The following MPHOSPH6 variants were observed in gnomAD, a reference collection of about 807,000 sequenced individuals.
MPHOSPH6 encodes M-phase phosphoprotein 6.
A neutral mutation model predicts 21.8 loss-of-function variants in MPHOSPH6; 25 were observed. The ratio of observed to expected loss-of-function variants is 1.15; its 90% CI spans 0.83 to 1.60. MPHOSPH6 has a LOEUF of 1.60. Ranked by LOEUF, MPHOSPH6 falls within the 40% of genes most tolerant of loss-of-function variation. The pLI, the probability that MPHOSPH6 is intolerant of heterozygous loss-of-function variation, is 0.00. For synonymous variants in MPHOSPH6, 84 were observed against 56.5 expected (o/e 1.49, Z -2.18); for missense variants, 269 against 181.8 (o/e 1.48, Z -2.76).
chr16:82,170,045 G>A (rs1052968188), intron 1 of MPHOSPH6, 80 bp downstream of exon 1: 13 of 1,478,256 alleles, frequency 8.8e-6, no homozygotes, highest in African/African-American at 1.4e-5. Flanking sequence ...TCCCTTGTCC[G>A]CCCGCCGCCT....
At chr16:82,151,357 G>A in intron 3 of MPHOSPH6, 67 bp downstream of exon 3, 2 of 1,585,586 alleles carry the variant, frequency 1.3e-6, no homozygotes, top group Non-Finnish European at 1.7e-6. Context: ...AAACACCTAA[G>A]CCCAATTATT....
At chr16:82,154,659 A>C (rs1411647974) in intron 2 of MPHOSPH6, among the ~76,000 whole-genome samples, 2 of 152,028 alleles carry the variant, frequency 1.3e-5, no homozygotes, top group African/African-American at 4.8e-5. Context: ...GGGAAAAAAC[A>C]ATTTAAAAAA....
intron 2 of MPHOSPH6, among the ~76,000 whole-genome samples, 158 bp from the exon 3 acceptor site, chr16:82,151,672 T>C (rs189368243): frequency 1.3e-5 from 2 of 152,238 alleles, no homozygotes; most frequent in African/African-American, 4.8e-5. Context: ...AAAATCTGAT[T>C]AATTTGGTCA....
At chr16:82,150,846 T>G (rs1906241310) in intron 3 of MPHOSPH6, among the ~76,000 whole-genome samples, 1 of 152,248 alleles carries the variant, frequency 6.6e-6, no homozygotes, top group African/African-American at 2.4e-5. Context: ...ATCAAGTACT[T>G]GATAGGATGG....
chr16:82,151,787 T>G (rs909210100), intron 2 of MPHOSPH6, among the ~76,000 whole-genome samples: 6 of 152,220 alleles, frequency 3.9e-5, no homozygotes, highest in African/African-American at 1.4e-4. Flanking sequence ...TCTAAAGTAT[T>G]GACAATAAAC....
In MPHOSPH6 at chr16:82,160,712, G is replaced by T. The variant is rs138245620; in HGVS notation, c.164+3370C>A. 2.0e-4 allele frequency among the ~76,000 whole-genome samples: 31 copies of T among 152,268 alleles called. No homozygotes were observed. The East Asian group carries it at 6.0e-3, about 29-fold the overall frequency. On this transcript the variant is annotated intron_variant, in intron 2 of 4. Coordinates refer to ENST00000258169, the MANE Select transcript of MPHOSPH6 (RefSeq NM_005792.2). ...GGCCACTTCACGCCATCCCTCATAGGAGTTGGGGACAAAAGAGAAATGACG... is the reference window on the plus strand; with the variant it reads ...GGCCACTTCACGCCATCCCTCATAGTAGTTGGGGACAAAAGAGAAATGACG...
chr16:82,152,847 T>C (rs1191942063), intron 2 of MPHOSPH6, among the ~76,000 whole-genome samples: 1 of 152,132 alleles, frequency 6.6e-6, no homozygotes, highest in African/African-American at 2.4e-5. Context: ...AAAGCAAACA[T>C]GTGGCTTTTA....
At chr16:82,163,957 TA>T (rs1906682084) in intron 2 of MPHOSPH6, 124 bp downstream of exon 2, 2 of 632,162 alleles carry the variant, frequency 3.2e-6, no homozygotes, top group Non-Finnish European at 5.4e-6. Flanking sequence ...GTTGTGCTAC[TA>T]AATCAATAAA....
At chr16:82,159,716 AAAT>A (rs1906547422) in intron 2 of MPHOSPH6, among the ~76,000 whole-genome samples, 1 of 152,074 alleles carries the variant, frequency 6.6e-6, no homozygotes, top group African/African-American at 2.4e-5. Context: ...TAGGAGTTCT[AAAT>A]AATTTTTATA....
intron 2 of MPHOSPH6, among the ~76,000 whole-genome samples, chr16:82,152,996 G>A (rs757110361): frequency 6.6e-5 from 10 of 152,280 alleles, no homozygotes; most frequent in Non-Finnish European, 1.2e-4. Flanking sequence ...GCACAGTGGC[G>A]GATGCCTGTA....
rs530268031 is a variant in MPHOSPH6, at chr16:82,154,663, TA to T, written c.165-3150del. 3.0e-3 allele frequency among the ~76,000 whole-genome samples: 461 copies of T among 151,646 alleles called. 1 individual carries two copies. The highest frequency in any genetic ancestry group is 0.011 in the African/African-American group (439 of 41,378). ...TATATAATTAAGGGAAAAAACAATT[TA>T]AAAAAATAAATTATATAACTGAAAA... On this transcript the variant is annotated intron_variant, in intron 2 of 4. Transcript: ENST00000258169.
intron 4 of MPHOSPH6, 87 bp from the exon 5 acceptor site, chr16:82,148,950 A>G (rs1906175395): frequency 1.4e-6 from 2 of 1,472,622 alleles, no homozygotes; most frequent in Non-Finnish European, 1.8e-6. Context: ...CAAATATGCA[A>G]TAAAAAAGAT....
intron 2 of MPHOSPH6, among the ~76,000 whole-genome samples, chr16:82,152,441 T>C (rs1057415903): frequency 5.3e-5 from 8 of 152,168 alleles, no homozygotes; most frequent in African/African-American, 1.9e-4. Context: ...AGGAATTTAC[T>C]GTAAGAACAC....
intron 2 of MPHOSPH6, among the ~76,000 whole-genome samples, chr16:82,151,807 C>T (rs1398493802): frequency 6.6e-6 from 1 of 152,158 alleles, no homozygotes; most frequent in Admixed American, 6.5e-5. Flanking sequence ...CTTGAATTTG[C>T]CAAAGTTGAA....
At chr16:82,150,253 G>C (rs561660933) in intron 3 of MPHOSPH6, among the ~76,000 whole-genome samples, 4 of 152,112 alleles carry the variant, frequency 2.6e-5, no homozygotes, top group African/African-American at 7.2e-5. Flanking sequence ...CATTGCAGCA[G>C]ACATACTTTG....
intron 2 of MPHOSPH6, among the ~76,000 whole-genome samples, chr16:82,161,773 C>T (rs1906614669): frequency 6.6e-6 from 1 of 152,160 alleles, no homozygotes; most frequent in African/African-American, 2.4e-5. Flanking sequence ...TTCAGTTGTT[C>T]CAAGTTGAGG....
chr16:82,165,144 T>TTTTTTG lies in MPHOSPH6; in HGVS notation c.52-951_52-950insCAAAAA, dbSNP rs1555540871. On this transcript the variant is annotated intron_variant, in intron 1 of 4. Coordinates refer to ENST00000258169, the MANE Select transcript of MPHOSPH6 (RefSeq NM_005792.2). ...TTATTTTTTTTTTTATTTTTTTTTTTTGAGACAGAGTCTCACTCTGTCGCC... is the reference window on the plus strand; with the variant it reads ...TTATTTTTTTTTTTATTTTTTTTTTTTTTTTGTGAGACAGAGTCTCACTCTGTCGCC... Among the ~76,000 whole-genome samples, 97 of 108,668 alleles carry TTTTTTG rather than the reference T, an allele frequency of 8.9e-4. 2 individuals are homozygous for TTTTTTG. Among genetic ancestry groups the TTTTTTG allele is most frequent in the East Asian group, 1.3e-3 (4 of 3,098 alleles). The allele number at this position is 108,668 out of a possible 152,430, so 71.3% of individuals were successfully genotyped here.
At chr16:82,159,002 C>G (rs1005573105) in intron 2 of MPHOSPH6, among the ~76,000 whole-genome samples, 1 of 152,202 alleles carries the variant, frequency 6.6e-6, no homozygotes, top group Non-Finnish European at 1.5e-5. Context: ...CTGGTGTTTT[C>G]AGATTCCACG....
chr16:82,170,109 C>T lies in MPHOSPH6; in HGVS notation c.51+16G>A. ...TGCCCCTACCGCCCGGAGTGGCGCT[C>T]TCAGCGTCCCCGCACCTTCATGCGC... is the stretch of plus-strand genomic sequence containing the variant. On this transcript the variant is annotated intron_variant, in intron 1 of 4. Coordinates refer to ENST00000258169, the MANE Select transcript of MPHOSPH6 (RefSeq NM_005792.2). 5 of 1,587,844 alleles carry T rather than the reference C, an allele frequency of 3.1e-6. No individual in the cohort carries two copies. Among genetic ancestry groups the T allele is most frequent in the Non-Finnish European group, 3.4e-6 (4 of 1,167,464 alleles).
Sources: allele counts gnomAD v4.1 joint callset (sites outside exome capture counted in the v4.1 genomes callset), GRCh38; gene constraint gnomAD v4.1.1; transcripts MANE v1.5; gene names NCBI Gene and HGNC (gene_info 2026-07-23, HGNC 2026-07-21).